Variants in TJP1 observed in about 807,000 individuals in gnomAD.
TJP1 encodes the protein tight junction protein 1, also known as tight junction protein ZO-1.
Under a neutral mutation model 194.2 loss-of-function variants are expected in TJP1, and 43 were observed. The observed-to-expected ratio is 0.22, with a 90% CI of 0.17 to 0.29. The LOEUF (loss-of-function observed/expected upper bound fraction) is 0.29, where lower values mean the gene tolerates loss of function less well. TJP1 is among the 10% of genes least tolerant of loss of function. TJP1 has a pLI of 1.00. For synonymous variants in TJP1, 801 were observed against 779.0 expected (o/e 1.03, Z -0.47); for missense variants, 1,971 against 2,185.7 (o/e 0.90, Z 1.96).
Position 29,773,213 on chromosome 15 carries a change from A to G in TJP1, c.209+20T>C, listed in dbSNP as rs769748703. ...GAACACTGCTTGTTGCACAGTGCCC[A>G]CGATAAGCAGCACTCTTACTGTAGC... On this transcript the variant is annotated intron_variant, in intron 3 of 27. Coordinates refer to ENST00000614355, the MANE Select transcript of TJP1 (RefSeq NM_001330239.4). The G allele has an allele frequency of 1.2e-6, 2 of 1,613,032 alleles. No homozygotes were observed. Among genetic ancestry groups the G allele is most frequent in the South Asian group, 2.2e-5 (2 of 90,952 alleles).
chr15:29,953,139 G>GTTTTTTTT lies in TJP1; in HGVS notation c.306+3092_306+3093insAAAAAAAA, dbSNP rs1406936700. On this transcript the variant is annotated intron_variant, in intron 2 of 28. Coordinates refer to the TJP1 transcript ENST00000356107. ...CTTCCTTCTTTCATAAAAGAAGACA[G>GTTTTTTTT]ATTTTTTTTTTTTTTTTTTTGCAAC... Among the ~76,000 whole-genome samples the GTTTTTTTT allele has an allele frequency of 2.3e-4, 15 of 64,742 alleles. 1 individual carries two copies. Among genetic ancestry groups the GTTTTTTTT allele is most frequent in the Admixed American group, 1.2e-3 (7 of 5,906 alleles). The allele number at this position is 64,742 out of a possible 152,430, so 42.5% of individuals were successfully genotyped here.
At chr15:29,933,795 C>T (rs576318637) in intron 2 of TJP1, among the ~76,000 whole-genome samples, 5 of 152,214 alleles carry the variant, frequency 3.3e-5, no homozygotes, top group East Asian at 3.9e-4. Context: ...ACACAAATGC[C>T]TGAAAGCAGA....
chr15:29,894,642 C>T (rs2053420317), intron 2 of TJP1, among the ~76,000 whole-genome samples: 1 of 152,204 alleles, frequency 6.6e-6, no homozygotes, highest in Admixed American at 6.5e-5. Flanking sequence ...CAGGTGCCTG[C>T]AGCTCTCCCA....
chr15:29,722,882 T>G (rs1392829075), intron 18 of TJP1, among the ~76,000 whole-genome samples: 1 of 152,212 alleles, frequency 6.6e-6, no homozygotes, highest in Non-Finnish European at 1.5e-5. Context: ...GGAGATTATT[T>G]TGGAGCTTTA....
At chr15:29,771,441 T>C (rs995901821) in intron 4 of TJP1, among the ~76,000 whole-genome samples, 1 of 152,194 alleles carries the variant, frequency 6.6e-6, no homozygotes, top group Non-Finnish European at 1.5e-5. Flanking sequence ...TGGTCTGTTG[T>C]TGACCAAAAC....
chr15:29,709,225 GAAT>G (rs1198308042), intron 24 of TJP1, among the ~76,000 whole-genome samples, 189 bp from the exon 25 acceptor site: 1 of 152,138 alleles, frequency 6.6e-6, no homozygotes, highest in African/African-American at 2.4e-5. Context: ...GTGGTGCCAT[GAAT>G]ATATATACCC....
At chr15:29,855,254 T>C (rs563164809) in intron 2 of TJP1, among the ~76,000 whole-genome samples, 78 of 152,272 alleles carry the variant, frequency 5.1e-4, no homozygotes, top group South Asian at 1.4e-3. Context: ...GGTTGTTGGG[T>C]AGAAGATTGA....
intron 1 of TJP1, among the ~76,000 whole-genome samples, chr15:29,967,369 A>T (rs189107601): frequency 0.02 from 2,885 of 140,830 alleles, 93 homozygotes; most frequent in African/African-American, 0.078. Flanking sequence ...AAATTTATTT[A>T]AAAAAAAAAA....
chr15:29,832,230 C>T (rs1166082378), intron 2 of TJP1, among the ~76,000 whole-genome samples: 1 of 152,040 alleles, frequency 6.6e-6, no homozygotes. Flanking sequence ...GAGCCCTGGG[C>T]CTACCACAGG....
chr15:29,838,323 G>A (rs1379329283), intron 2 of TJP1, among the ~76,000 whole-genome samples: 2 of 152,172 alleles, frequency 1.3e-5, no homozygotes, highest in East Asian at 3.9e-4. Flanking sequence ...TACTTGGGAG[G>A]CTGAGGCATA....
At position 29,849,386 on chromosome 15, in the gene TJP1, C is replaced by T. The variant is rs189146436; in HGVS notation, c.307-48684G>A. ...TTTATTCCACTCACCCCGCACCCCC[C>T]ACTGTTTTAATGTGGGCTTAGTGAC... On this transcript the variant is annotated intron_variant, in intron 2 of 28. Coordinates refer to the TJP1 transcript ENST00000356107. Among the ~76,000 whole-genome samples, 24 of 151,816 alleles carry T rather than the reference C, an allele frequency of 1.6e-4. 1 individual carries two copies. In the East Asian group the frequency reaches 4.7e-3, roughly 29 times the overall value.
chr15:29,809,141 CAG>C lies in TJP1; in HGVS notation c.28-8441_28-8440del, dbSNP rs533279812. ...TGTAAAATATACATGCAACAGTATT[CAG>C]AGACTGAATATGGAAAATAATTTAA... On this transcript the variant is annotated intron_variant, in intron 1 of 27. Coordinates refer to ENST00000614355, the MANE Select transcript of TJP1 (RefSeq NM_001330239.4). Among the ~76,000 whole-genome samples, 25 of 152,242 alleles carry C rather than the reference CAG, an allele frequency of 1.6e-4. No homozygotes were observed. In the East Asian group the frequency reaches 4.8e-3, roughly 29 times the overall value.
intron 15 of TJP1, chr15:29,730,667 C>T (rs56087426): frequency 1.6e-5 from 12 of 727,388 alleles, no homozygotes; most frequent in East Asian, 1.3e-4. Context: ...GCCCGCGTGC[C>T]GCTGCATCCC....
At chr15:29,717,714 C>T (rs1294820169) in intron 22 of TJP1, among the ~76,000 whole-genome samples, 1 of 152,178 alleles carries the variant, frequency 6.6e-6, no homozygotes, top group East Asian at 1.9e-4. Flanking sequence ...TGTCGAAAAG[C>T]ACTTTTAAAA....
At chr15:29,940,759 C>T (rs2055044367) in intron 2 of TJP1, among the ~76,000 whole-genome samples, 6 of 152,144 alleles carry the variant, frequency 3.9e-5, no homozygotes, top group Admixed American at 3.3e-4. Context: ...TTCCATAAAT[C>T]GACTCATTCA....
intron 2 of TJP1, among the ~76,000 whole-genome samples, chr15:29,923,119 C>T (rs1462750559): frequency 2.0e-5 from 3 of 152,134 alleles, no homozygotes; most frequent in African/African-American, 7.2e-5. Flanking sequence ...CACTCTGTGT[C>T]AAAATGTAAA....
At chr15:29,854,541 C>T (rs765160933) in intron 2 of TJP1, among the ~76,000 whole-genome samples, 3 of 152,102 alleles carry the variant, frequency 2.0e-5, no homozygotes, top group African/African-American at 7.2e-5. Context: ...AGGGCATCAC[C>T]AGAAGCTGGG....
chr15:29,845,576 C>A (rs758995763), intron 2 of TJP1, among the ~76,000 whole-genome samples: 1 of 152,024 alleles, frequency 6.6e-6, no homozygotes, highest in Non-Finnish European at 1.5e-5. Flanking sequence ...GAGGCAGAGG[C>A]GGGCAGATCA....
At chr15:29,867,474 T>A (rs1393269897) in intron 2 of TJP1, among the ~76,000 whole-genome samples, 2 of 152,204 alleles carry the variant, frequency 1.3e-5, no homozygotes, top group Non-Finnish European at 2.9e-5. Flanking sequence ...CCATGTGTGC[T>A]ATGTCAGGGG....
Sources: gnomAD v4.1 joint callset for allele counts (sites outside exome capture counted in the v4.1 genomes callset) on GRCh38, gnomAD v4.1.1 for gene constraint, MANE v1.5 for transcripts, NCBI Gene and HGNC (gene_info 2026-07-23, HGNC 2026-07-21) for gene names.